Variants in WDR19 observed in about 807,000 individuals in gnomAD.
The protein encoded by WDR19 is WD repeat domain 19.
WDR19 carries 121 observed loss-of-function variants against 180.0 expected under a neutral mutation model. The ratio of observed to expected loss-of-function variants is 0.67; its 90% CI spans 0.58 to 0.78. WDR19 has a LOEUF of 0.78. Among genes scored for constraint, WDR19 ranks in the 30% least tolerant of loss-of-function variants. The pLI, the probability that WDR19 is intolerant of heterozygous loss-of-function variation, is 0.00. For synonymous variants in WDR19, 497 were observed against 540.7 expected (o/e 0.92, Z 1.12); for missense variants, 1,450 against 1,640.7 (o/e 0.88, Z 2.01).
intron 4 of WDR19, among the ~76,000 whole-genome samples, chr4:39,192,333 A>G (rs555913519): frequency 1.7e-4 from 26 of 152,364 alleles, no homozygotes; most frequent in Non-Finnish European, 3.2e-4. Context: ...GGAAATGCCT[A>G]TGAGGGAACA....
intron 21 of WDR19, among the ~76,000 whole-genome samples, chr4:39,241,323 T>C (rs1731915242): frequency 6.6e-6 from 1 of 151,808 alleles, no homozygotes; most frequent in Non-Finnish European, 1.5e-5. Flanking sequence ...CAAAACCCCA[T>C]CTCTACTAGA....
intron 4 of WDR19, among the ~76,000 whole-genome samples, chr4:39,191,015 C>T (rs1396585189): frequency 6.6e-6 from 1 of 152,186 alleles, no homozygotes; most frequent in Non-Finnish European, 1.5e-5. Context: ...CTCTGTCTTC[C>T]CACAGTGTCT....
At chr4:39,281,033 G>A (rs1736446576) in intron 36 of WDR19, among the ~76,000 whole-genome samples, 1 of 151,928 alleles carries the variant, frequency 6.6e-6, no homozygotes, top group Non-Finnish European at 1.5e-5. Flanking sequence ...AGTTTTTTAT[G>A]TATGTATTCT....
At chr4:39,266,856 G>A (rs569451824) in intron 29 of WDR19, among the ~76,000 whole-genome samples, 162 of 152,242 alleles carry the variant, frequency 1.1e-3, no homozygotes, top group Non-Finnish European at 1.9e-3. Flanking sequence ...GGCCAAGGCG[G>A]GTGGATCACT....
At chr4:39,201,775 C>T (rs557786342) in intron 6 of WDR19, among the ~76,000 whole-genome samples, 60 of 152,052 alleles carry the variant, frequency 3.9e-4, no homozygotes, top group African/African-American at 1.4e-3. Flanking sequence ...ATATTTTTTC[C>T]GTATAGCATT....
chr4:39,282,724 C>A (rs767103700), intron 36 of WDR19, among the ~76,000 whole-genome samples: 3 of 152,094 alleles, frequency 2.0e-5, no homozygotes, highest in East Asian at 1.9e-4. Flanking sequence ...ATAAAGAAGT[C>A]TTTCGTGTCT....
chr4:39,223,487 C>T (rs543564065), intron 14 of WDR19, among the ~76,000 whole-genome samples: 10 of 151,186 alleles, frequency 6.6e-5, no homozygotes, highest in Non-Finnish European at 8.9e-5. Flanking sequence ...CACGCCACCA[C>T]GCCCAGCAAA....
intron 14 of WDR19, among the ~76,000 whole-genome samples, chr4:39,221,170 A>T (rs1198402949): frequency 6.6e-6 from 1 of 152,158 alleles, no homozygotes; most frequent in Non-Finnish European, 1.5e-5. Context: ...TAATTTGGTG[A>T]TATGGAAAAA....
At chr4:39,215,745 T>C in intron 10 of WDR19, 96 bp from the exon 11 acceptor site, 1 of 1,264,442 alleles carries the variant, frequency 7.9e-7, no homozygotes. Flanking sequence ...TATTTGAAAA[T>C]TGTTATGTCT....
In WDR19 at chr4:39,183,183, G is replaced by C. The variant is rs1352946179; in HGVS notation, c.6+620G>C. Among the ~76,000 whole-genome samples the C allele has an allele frequency of 6.4e-5, 9 of 140,022 alleles. No homozygotes were observed. The South Asian group carries it at 9.5e-4, about 15-fold the overall frequency. The allele number at this position is 140,022 out of a possible 152,430, so 91.9% of individuals were successfully genotyped here. ...CACGGTTTCTAGGCTTGGGCTTCTT[G>C]TTCACCCCACTTTCTGATTTATCAG... On this transcript the variant is annotated intron_variant, in intron 1 of 36. Coordinates refer to ENST00000399820, the MANE Select transcript of WDR19 (RefSeq NM_025132.4).
chr4:39,226,120 A>G (rs917800632), intron 15 of WDR19, among the ~76,000 whole-genome samples: 2 of 150,168 alleles, frequency 1.3e-5, no homozygotes, highest in Non-Finnish European at 3.0e-5. Flanking sequence ...CGTTCACCAC[A>G]GTTAGAAACT....
intron 21 of WDR19, among the ~76,000 whole-genome samples, chr4:39,240,657 A>G (rs10010352): frequency 0.46 from 70,057 of 151,680 alleles, 18,642 homozygotes; most frequent in East Asian, 0.62. Context: ...TGCTCTTTTT[A>G]AAAGTTTCAG....
intron 14 of WDR19, among the ~76,000 whole-genome samples, chr4:39,223,277 A>G (rs1230596077): frequency 1.3e-5 from 2 of 152,230 alleles, no homozygotes; most frequent in Non-Finnish European, 2.9e-5. Context: ...AATTATATCA[A>G]TAAAGCTATT....
rs534998702 is a variant in WDR19, at chr4:39,182,584, C to CG, written c.6+25dup. On this transcript the variant is annotated intron_variant, in intron 1 of 36. Transcript: ENST00000399820. The stretch of plus-strand genomic sequence containing the variant: ...TGAAGGTAAATAACTTACAAATTCC[C>CG]GGGGTGGGGCGGGAAAACGCGACTA... 1,293 of 1,613,506 alleles carry CG rather than the reference C, an allele frequency of 8.0e-4. 5 individuals are homozygous for CG. Among genetic ancestry groups the CG allele is most frequent in the South Asian group, 3.4e-3 (308 of 91,056 alleles).
At chr4:39,263,068 G>GCCCCCCCCCCCC (rs1734451530) in intron 28 of WDR19, among the ~76,000 whole-genome samples, 1 of 135,280 alleles carries the variant, frequency 7.4e-6, no homozygotes, top group Non-Finnish European at 1.6e-5. Context: ...CTTCACCCAC[G>GCCCCCCCCCCCC]CCCACCCACC....
intron 20 of WDR19, among the ~76,000 whole-genome samples, chr4:39,238,505 G>C (rs1731589295): frequency 6.6e-6 from 1 of 152,186 alleles, no homozygotes; most frequent in Non-Finnish European, 1.5e-5. Flanking sequence ...CAACTCAATT[G>C]ATTATATCAG....
chr4:39,191,828 T>C (rs1726177519), intron 4 of WDR19, among the ~76,000 whole-genome samples: 1 of 152,244 alleles, frequency 6.6e-6, no homozygotes, highest in Admixed American at 6.5e-5. Flanking sequence ...CCATGCCTTA[T>C]ACATAGGTTG....
At chr4:39,227,616 A>G (rs541534009) in intron 15 of WDR19, among the ~76,000 whole-genome samples, 1 of 152,328 alleles carries the variant, frequency 6.6e-6, no homozygotes, top group East Asian at 1.9e-4. Context: ...GGGTGTACAT[A>G]GTTTATACAC....
At chr4:39,272,841 T>C (rs1214658114) in intron 31 of WDR19, 139 bp from the exon 32 acceptor site, 35 of 655,806 alleles carry the variant, frequency 5.3e-5, no homozygotes, top group East Asian at 3.6e-4. Flanking sequence ...GGATCTCTAA[T>C]GGCATCAGCC....
Sources: allele counts gnomAD v4.1 joint callset (sites outside exome capture counted in the v4.1 genomes callset), GRCh38; gene constraint gnomAD v4.1.1; transcripts MANE v1.5; gene names NCBI Gene and HGNC (gene_info 2026-07-23, HGNC 2026-07-21).